The following ZNF479 variants were observed in gnomAD, a reference collection of about 807,000 sequenced individuals.
ZNF479 encodes the protein KRAB zinc finger protein KR19.
A neutral mutation model predicts 14.7 loss-of-function variants in ZNF479; 15 were observed. The observed-to-expected ratio is 1.02, with a 90% CI of 0.68 to 1.57. The LOEUF is 1.57. ZNF479 is among the 40% of genes most tolerant of loss of function. ZNF479 has a pLI of 0.00. For missense variants in ZNF479, 506 were observed against 615.1 expected, an observed-to-expected ratio of 0.82 and a Z score of 1.88; for synonymous variants, 145 against 211.5, an observed-to-expected ratio of 0.69 and a Z score of 2.73.
intron 1 of ZNF479, among the ~76,000 whole-genome samples, chr7:57,130,034 T>C (rs916273493): frequency 9.2e-5 from 14 of 152,150 alleles, no homozygotes; most frequent in Non-Finnish European, 1.3e-4. Context: ...ATCAAAAAGT[T>C]AGAAAGATCT....
rs1172161369 is a variant in ZNF479 at position 57,119,849 on chromosome 7, T to A, written c.1566A>T (p.Lys522Asn). The A allele has an allele frequency of 4.3e-6, 7 of 1,612,980 alleles. No homozygotes were observed. The highest frequency in any genetic ancestry group is 1.7e-6 in the Non-Finnish European group (2 of 1,179,472). ...KIIHTGEKPYKCE is the reference protein window; with the variant it reads ...KIIHTGEKPYNCE ...GGTGGACTTTGCCATATTATTCACA[T>A]TTGTAGGGTTTCTCTCCAGTGTGAA... Residue 522 changes from lysine (K) to asparagine (N), a missense_variant, in exon 4 of 4, where the codon AAA becomes AAT. Around this residue, in one of 3 missense-constraint regions of ZNF479, gnomAD observed 72 missense variants for 97.6 expected, o/e 0.74. Transcript: ENST00000319636.
rs192651110 is a variant in ZNF479 at position 57,122,144 on chromosome 7, C to T, written c.263-992G>A. 9.2e-3 allele frequency among the ~76,000 whole-genome samples: 1,393 copies of T among 152,104 alleles called. 25 individuals carry two copies. Among genetic ancestry groups the T allele is most frequent in the African/African-American group, 0.032 (1,324 of 41,520 alleles). ...ACAAACCAGAAGATAATCTTGGGAG[C>T]TGCAAGATAAAAGTGAGGTATTATT... On this transcript the variant is annotated intron_variant, in intron 3 of 3. Coordinates refer to ENST00000319636, the MANE Select transcript of ZNF479 (RefSeq NM_001370129.2).
chr7:57,132,246 G>T, intron 1 of ZNF479, 40 bp downstream of exon 1: 1 of 1,613,938 alleles, frequency 6.2e-7, no homozygotes, highest in Non-Finnish European at 8.5e-7. Flanking sequence ...GTTCCAATCA[G>T]CCCCCACCCC....
intron 3 of ZNF479, among the ~76,000 whole-genome samples, chr7:57,124,056 T>C (rs1485934817): frequency 6.6e-6 from 1 of 152,230 alleles, no homozygotes; most frequent in Non-Finnish European, 1.5e-5. Flanking sequence ...AAGATGTCAG[T>C]ATAACCCACA....
At chr7:57,129,068 A>G (rs1376176604) in intron 1 of ZNF479, among the ~76,000 whole-genome samples, 1 of 152,210 alleles carries the variant, frequency 6.6e-6, no homozygotes, top group African/African-American at 2.4e-5. Context: ...TTTAAGAGCA[A>G]TGAGAGAACA....
intron 1 of ZNF479, among the ~76,000 whole-genome samples, chr7:57,139,003 G>A (rs1221672160): frequency 2.0e-5 from 3 of 152,188 alleles, no homozygotes; most frequent in African/African-American, 7.2e-5. Flanking sequence ...TGGGCTTAGG[G>A]CAATGGGCAT....
Position 57,119,912 on chromosome 7 carries a change from A to C in ZNF479, c.1503T>G (p.Ala501=), listed in dbSNP as rs564622917. Residue 501 remains alanine (A), a synonymous_variant, in exon 4 of 4, where the codon GCT becomes GCG. Coordinates refer to ENST00000319636, the MANE Select transcript of ZNF479 (RefSeq NM_001370129.2). ...TAGCAAGACTTGAATGCCACTTAAAAGCTTGCTCACATTCTTCACATTTGT... is the reference window on the plus strand; with the variant it reads ...TAGCAAGACTTGAATGCCACTTAAACGCTTGCTCACATTCTTCACATTTGT... ...KPYKCEECEQ[A]FKWHSSLAKH... 1.1e-5 allele frequency: 17 copies of C among 1,613,614 alleles called. No homozygotes were observed. In the African/African-American group the frequency reaches 2.0e-4, roughly 19 times the overall value.
rs915981815 is a variant in ZNF479 at position 57,130,887 on chromosome 7, C to T, written c.39+1399G>A. ...TCAATGGTAGACTGGATAAAGAAAA[C>T]GTCGTATGTAAACACCACGAAATAT... On this transcript the variant is annotated intron_variant, in intron 1 of 3. Transcript: ENST00000319636. Among the ~76,000 whole-genome samples the T allele has an allele frequency of 7.9e-5, 12 of 152,212 alleles. 1 individual carries two copies. Among genetic ancestry groups the T allele is most frequent in the East Asian group, 5.8e-4 (3 of 5,182 alleles).
intron 1 of ZNF479, among the ~76,000 whole-genome samples, chr7:57,139,419 G>T (rs1206335287): frequency 1.3e-5 from 2 of 152,220 alleles, no homozygotes; most frequent in African/African-American, 2.4e-5. Context: ...GAGGTTGTGA[G>T]TCAAATACTT....
At chr7:57,138,720 CAG>C (rs1234579299) in intron 1 of ZNF479, among the ~76,000 whole-genome samples, 5 of 152,328 alleles carry the variant, frequency 3.3e-5, no homozygotes, top group Admixed American at 2.0e-4. Flanking sequence ...TCAGATGGTA[CAG>C]AGAGTGTCAT....
chr7:57,119,327 G>T lies in ZNF479; in HGVS notation c.*513C>A, dbSNP rs1292352389. ...TTAAAGGTTTTGTCACTTTTTTTAT[G>T]TTTCTAGGGTCTCTGTAATATAAGT... On this transcript the variant is annotated 3_prime_UTR_variant, in exon 4 of 4. Transcript: ENST00000319636. 2.6e-5 allele frequency among the ~76,000 whole-genome samples: 4 copies of T among 152,128 alleles called. No individual in the cohort carries two copies. The East Asian group carries it at 7.7e-4, about 29-fold the overall frequency.
chr7:57,131,249 T>C (rs764267213), intron 1 of ZNF479, among the ~76,000 whole-genome samples: 7 of 151,822 alleles, frequency 4.6e-5, no homozygotes. Flanking sequence ...CATGTACCCC[T>C]GAACCTAAAA....
chr7:57,126,201 A>C, intron 2 of ZNF479, 88 bp from the exon 3 acceptor site: 1 of 1,393,814 alleles, frequency 7.2e-7, no homozygotes. Context: ...TATAATAGAA[A>C]ATTCTAGAAG....
At position 57,118,831 on chromosome 7, in the gene ZNF479, T is replaced by G. The variant is rs1554399455; in HGVS notation, c.*1009A>C. ...AAAGTTTTGCCACATTCTTCATATT[T>G]GTAGGAGTCTTCTTCAGTATAAACT... On this transcript the variant is annotated 3_prime_UTR_variant, in exon 4 of 4. Coordinates refer to ENST00000319636, the MANE Select transcript of ZNF479 (RefSeq NM_001370129.2). Among the ~76,000 whole-genome samples the G allele has an allele frequency of 6.7e-6, 1 of 149,796 alleles. No individual in the cohort carries two copies. The highest frequency in any genetic ancestry group is 1.5e-5 in the Non-Finnish European group (1 of 67,074).
chr7:57,134,203 G>A (rs1562852718), upstream of ZNF479, among the ~76,000 whole-genome samples: 2 of 152,106 alleles, frequency 1.3e-5, no homozygotes, highest in South Asian at 2.1e-4. Context: ...AGGATAAATA[G>A]AAGATTGGCA....
chr7:57,122,095 A>G (rs1350591006), intron 3 of ZNF479, among the ~76,000 whole-genome samples: 5 of 152,072 alleles, frequency 3.3e-5, no homozygotes, highest in Admixed American at 2.0e-4. Context: ...CCGCAACACA[A>G]ATTTAAGCAA....
At chr7:57,130,173 T>A (rs1786350466) in intron 1 of ZNF479, among the ~76,000 whole-genome samples, 1 of 152,062 alleles carries the variant, frequency 6.6e-6, no homozygotes, top group Non-Finnish European at 1.5e-5. Context: ...CATAAATAAC[T>A]ATAAAAAGTT....
chr7:57,126,252 A>G (rs1206001520), intron 2 of ZNF479, 139 bp from the exon 3 acceptor site: 6 of 1,058,562 alleles, frequency 5.7e-6, no homozygotes, highest in Non-Finnish European at 7.8e-6. Context: ...AATATTCAGA[A>G]AATATTTTAA....
chr7:57,122,628 C>T (rs1283656060), intron 3 of ZNF479, among the ~76,000 whole-genome samples: 1 of 152,022 alleles, frequency 6.6e-6, no homozygotes, highest in East Asian at 1.9e-4. Context: ...ATAATGAGGA[C>T]AAATTTTTCT....
Sources: allele counts gnomAD v4.1 joint callset (sites outside exome capture counted in the v4.1 genomes callset), GRCh38; gene constraint gnomAD v4.1.1; regional missense constraint gnomAD v4.1.1; transcripts MANE v1.5; gene names NCBI Gene and HGNC (gene_info 2026-07-23, HGNC 2026-07-21).